Variants in FDFT1 observed in about 807,000 individuals in gnomAD.
FDFT1 encodes squalene synthase.
In FDFT1, 68 loss-of-function variants were observed where a neutral mutation model predicts 46.8. That is an observed-to-expected ratio of 1.45 (90% CI 1.19 to 1.78). FDFT1 has a LOEUF of 1.78. Among genes scored for constraint, FDFT1 ranks in the 40% most tolerant of loss-of-function variants. The pLI, the probability that FDFT1 is intolerant of heterozygous loss-of-function variation, is 0.00. For synonymous variants in FDFT1, 351 were observed against 185.1 expected (o/e 1.90, Z -7.28); for missense variants, 928 against 524.4 (o/e 1.77, Z -7.52).
At chr8:11,822,425 A>T (rs1809385723) in intron 4 of FDFT1, among the ~76,000 whole-genome samples, 1 of 152,148 alleles carries the variant, frequency 6.6e-6, no homozygotes, top group Admixed American at 6.5e-5. Context: ...TTAATTTTTC[A>T]AACCTCAAAA....
intron 1 of FDFT1, chr8:11,803,217 C>T (rs1408098255): frequency 2.8e-6 from 4 of 1,406,592 alleles, no homozygotes; most frequent in African/African-American, 1.4e-5. Context: ...TGAGCATCGG[C>T]GCTTACCGGT....
chr8:11,810,982 C>G (rs143598207), intron 3 of FDFT1, among the ~76,000 whole-genome samples: 2 of 147,464 alleles, frequency 1.4e-5, no homozygotes, highest in African/African-American at 2.5e-5. Context: ...AAGACTCTTG[C>G]GGTGCAAAGG....
At chr8:11,820,868 G>T (rs1293555824) in intron 3 of FDFT1, among the ~76,000 whole-genome samples, 2 of 152,206 alleles carry the variant, frequency 1.3e-5, no homozygotes, top group Admixed American at 1.3e-4. Context: ...CCCTCCATGG[G>T]CTGCACCCAC....
intron 1 of FDFT1, among the ~76,000 whole-genome samples, chr8:11,805,510 C>T (rs150850789): frequency 3.5e-4 from 54 of 152,274 alleles, no homozygotes; most frequent in Non-Finnish European, 4.7e-4. Context: ...GTTATTAAGT[C>T]CGATTTCTGA....
At chr8:11,798,863 AAT>A (rs1364405441), upstream of FDFT1, among the ~76,000 whole-genome samples, 12 of 152,352 alleles carry the variant, frequency 7.9e-5, no homozygotes, top group African/African-American at 2.6e-4. Context: ...TGACTTAAAA[AAT>A]ATGATTTATC....
intron 7 of FDFT1, among the ~76,000 whole-genome samples, chr8:11,834,192 C>T (rs1450196122): frequency 6.6e-6 from 1 of 152,212 alleles, no homozygotes; most frequent in Admixed American, 6.5e-5. Flanking sequence ...AGGACCTCCT[C>T]ATGCTTCTCC....
At chr8:11,795,632 A>G (rs1365590672) in exon 1 of FDFT1, 1 of 151,540 alleles carries the variant, frequency 6.6e-6, no homozygotes, top group East Asian at 1.9e-4. Flanking sequence ...TGTTGTTTGC[A>G]ATAAATTTTA....
intron 3 of FDFT1, among the ~76,000 whole-genome samples, chr8:11,813,137 T>G (rs1011347418): frequency 1.4e-4 from 21 of 152,170 alleles, no homozygotes; most frequent in African/African-American, 4.6e-4. Context: ...AGAAAAGGTA[T>G]AGTAAAAACA....
Position 11,831,503 on chromosome 8 carries a change from T to A in FDFT1, c.880-15T>A, listed in dbSNP as rs749382816. 1 of 1,602,358 alleles carries A rather than the reference T, an allele frequency of 6.2e-7. No homozygotes were observed. Among genetic ancestry groups the A allele is most frequent in the Non-Finnish European group, 8.5e-7 (1 of 1,175,754 alleles). ...ATCATTTCTTCTTTTTTCCCTCTCTTCTTGTTGTCTCTAGGTGATGGCCAT... is the reference window on the plus strand; with the variant it reads ...ATCATTTCTTCTTTTTTCCCTCTCTACTTGTTGTCTCTAGGTGATGGCCAT... On this transcript the variant is annotated splice_polypyrimidine_tract_variant and intron_variant, in intron 6 of 7. Coordinates refer to ENST00000220584, the MANE Select transcript of FDFT1 (RefSeq NM_004462.5).
intron 1 of FDFT1, among the ~76,000 whole-genome samples, chr8:11,804,723 C>T (rs1351365426): frequency 6.6e-6 from 1 of 150,932 alleles, no homozygotes. Context: ...TCTCCTGCCT[C>T]AGCCTGCTGA....
At chr8:11,808,318 G>C in intron 1 of FDFT1, 1 of 1,233,454 alleles carries the variant, frequency 8.1e-7, no homozygotes, top group Non-Finnish European at 1.0e-6. Flanking sequence ...GTGGGTTCTG[G>C]TGAGAAGGGC....
rs754408818 is a variant in FDFT1, at chr8:11,802,817, C to T, written c.-16C>T. 29 of 1,597,756 alleles carry T rather than the reference C, an allele frequency of 1.8e-5. No individual in the cohort carries two copies. The highest frequency in any genetic ancestry group is 1.7e-4 in the Middle Eastern group (1 of 6,028). On this transcript the variant is annotated 5_prime_UTR_variant, in exon 1 of 8. Transcript: ENST00000220584. Reference sequence around the variant, plus strand: ...GAGGTGAGAGTCGCGCCCGGGAGTCCGCCGCCTGCGCCAGGATGGAGTTCG... The same window carrying T: ...GAGGTGAGAGTCGCGCCCGGGAGTCTGCCGCCTGCGCCAGGATGGAGTTCG...
chr8:11,830,111 G>A (rs1810565831), intron 5 of FDFT1, 133 bp from the exon 6 acceptor site: 1 of 734,452 alleles, frequency 1.4e-6, no homozygotes, highest in African/African-American at 1.8e-5. Flanking sequence ...CTCCCAAAGT[G>A]CTGGGATTAC....
upstream of FDFT1, among the ~76,000 whole-genome samples, chr8:11,799,076 A>G (rs949264737): frequency 6.6e-6 from 1 of 152,208 alleles, no homozygotes; most frequent in Non-Finnish European, 1.5e-5. Flanking sequence ...CATTGAACAA[A>G]CATGTATGTA....
chr8:11,818,471 G>A (rs1002600714), intron 3 of FDFT1, among the ~76,000 whole-genome samples: 28 of 151,970 alleles, frequency 1.8e-4, no homozygotes, highest in Non-Finnish European at 3.4e-4. Context: ...TGTTAGACTC[G>A]CACACAATAA....
intron 1 of FDFT1, among the ~76,000 whole-genome samples, chr8:11,806,389 G>A (rs1391657985): frequency 2.0e-5 from 3 of 152,164 alleles, no homozygotes; most frequent in African/African-American, 4.8e-5. Context: ...GTGTCTTCCT[G>A]TTTTGTTCTT....
At chr8:11,836,601 T>A (rs547087044) in intron 7 of FDFT1, among the ~76,000 whole-genome samples, 1 of 152,262 alleles carries the variant, frequency 6.6e-6, no homozygotes, top group East Asian at 1.9e-4. Flanking sequence ...TCCAAATAAA[T>A]GGCTGCATGC....
At chr8:11,808,977 G>A in intron 2 of FDFT1, 86 bp downstream of exon 2, 4 of 1,534,792 alleles carry the variant, frequency 2.6e-6, no homozygotes, top group East Asian at 2.4e-5. Context: ...TTGATATAGC[G>A]CTCAGCGTTG....
At chr8:11,827,863 G>C (rs1416648975) in intron 5 of FDFT1, among the ~76,000 whole-genome samples, 4 of 150,618 alleles carry the variant, frequency 2.7e-5, no homozygotes, top group Non-Finnish European at 5.9e-5. Context: ...AACGTAGTGA[G>C]ACCTTATCTC....
Sources: allele counts gnomAD v4.1 joint callset (sites outside exome capture counted in the v4.1 genomes callset), GRCh38; gene constraint gnomAD v4.1.1; transcripts MANE v1.5; gene names NCBI Gene and HGNC (gene_info 2026-07-23, HGNC 2026-07-21).